Variants in CSMD2 observed in about 807,000 individuals in gnomAD.
CSMD2 encodes the protein CUB and Sushi multiple domains 2.
Under a neutral mutation model 398.5 loss-of-function variants are expected in CSMD2, and 130 were observed. The observed-to-expected ratio is 0.33, with a 90% confidence interval of 0.28 to 0.38. CSMD2 has a LOEUF of 0.38. Ranked by LOEUF, CSMD2 falls within the 10% of genes least tolerant of loss-of-function variation. The pLI is 1.00. For missense variants in CSMD2, 3,829 were observed against 4,764.9 expected, an observed-to-expected ratio of 0.80 and a Z score of 5.78; for synonymous variants, 1,828 against 1,908.5, an observed-to-expected ratio of 0.96 and a Z score of 1.10.
intron 25 of CSMD2, among the ~76,000 whole-genome samples, chr1:33,667,816 T>C (rs1049989478): frequency 1.3e-5 from 2 of 152,150 alleles, no homozygotes; most frequent in African/African-American, 4.8e-5. Flanking sequence ...GGACAGAGGC[T>C]AAAGTTCAAG....
At chr1:33,900,585 T>G (rs1642683675) in intron 5 of CSMD2, among the ~76,000 whole-genome samples, 1 of 152,214 alleles carries the variant, frequency 6.6e-6, no homozygotes, top group Non-Finnish European at 1.5e-5. Flanking sequence ...AAGACCAGCC[T>G]GGCCAACATG....
At chr1:33,661,413 A>G (rs1027946194) in intron 26 of CSMD2, among the ~76,000 whole-genome samples, 1 of 152,100 alleles carries the variant, frequency 6.6e-6, no homozygotes, top group South Asian at 2.1e-4. Context: ...CCTTGAAAAA[A>G]GTCATCCATG....
intron 41 of CSMD2, among the ~76,000 whole-genome samples, chr1:33,608,222 A>AGGCGG (rs1194217677): frequency 6.6e-6 from 1 of 152,106 alleles, no homozygotes; most frequent in African/African-American, 2.4e-5. Flanking sequence ...GGAGAATCTG[A>AGGCGG]GGCGGTCACA....
intron 15 of CSMD2, among the ~76,000 whole-genome samples, chr1:33,735,009 G>A (rs1383563904): frequency 6.6e-6 from 1 of 152,120 alleles, no homozygotes; most frequent in Non-Finnish European, 1.5e-5. Context: ...GTGATGTCCT[G>A]TCTTCTTTGT....
chr1:33,951,341 G>A (rs563516879), intron 3 of CSMD2, among the ~76,000 whole-genome samples: 4 of 152,300 alleles, frequency 2.6e-5, no homozygotes, highest in Admixed American at 2.0e-4. Flanking sequence ...CACCTTGGTG[G>A]TTTGCTGGGA....
intron 53 of CSMD2, among the ~76,000 whole-genome samples, chr1:33,561,973 T>C (rs1159209830): frequency 6.6e-6 from 1 of 152,022 alleles, no homozygotes; most frequent in East Asian, 1.9e-4. Flanking sequence ...TGTTGAGGAT[T>C]AAAACCCTTG....
chr1:34,062,054 G>A lies in CSMD2; in HGVS notation c.404+26923C>T, dbSNP rs1654574307. On this transcript the variant is annotated intron_variant, in intron 2 of 70. Transcript: ENST00000373381. ...GGATGGGCTAAGACCCCAATGTCAT[G>A]AGTGTGCTGGCTTCCCCTCTGATGG... 3.3e-5 allele frequency among the ~76,000 whole-genome samples: 5 copies of A among 152,358 alleles called. No homozygotes were observed. The South Asian group carries it at 1.0e-3, about 32-fold the overall frequency.
At chr1:34,156,220 C>T (rs1345201748) in intron 1 of CSMD2, among the ~76,000 whole-genome samples, 1 of 152,196 alleles carries the variant, frequency 6.6e-6, no homozygotes, top group Non-Finnish European at 1.5e-5. Context: ...ATCACCAAGT[C>T]CCACCCAATC....
At chr1:33,644,335 A>G (rs74671696) in intron 29 of CSMD2, among the ~76,000 whole-genome samples, 1 of 152,190 alleles carries the variant, frequency 6.6e-6, no homozygotes, top group Non-Finnish European at 1.5e-5. Context: ...GAGGAAGCTC[A>G]GGGGGTTTCT....
intron 32 of CSMD2, among the ~76,000 whole-genome samples, chr1:33,632,439 T>C (rs1642518915): frequency 6.6e-6 from 1 of 152,054 alleles, no homozygotes; most frequent in South Asian, 2.1e-4. Context: ...TAAGTGCTTG[T>C]AGAAAAATCG....
chr1:33,523,219 G>C, intron 67 of CSMD2, 88 bp downstream of exon 67: 2 of 655,902 alleles, frequency 3.0e-6, no homozygotes, highest in African/African-American at 3.7e-5. Flanking sequence ...TTGCCAGATT[G>C]ATCCTAGGGG....
chr1:33,786,214 C>T (rs538343735), intron 12 of CSMD2, among the ~76,000 whole-genome samples: 1 of 152,314 alleles, frequency 6.6e-6, no homozygotes, highest in East Asian at 1.9e-4. Flanking sequence ...TCATCCCTTT[C>T]AAGTTCACGC....
intron 25 of CSMD2, among the ~76,000 whole-genome samples, chr1:33,683,344 T>A (rs1644966757): frequency 6.6e-6 from 1 of 152,160 alleles, no homozygotes; most frequent in Admixed American, 6.5e-5. Context: ...TAGAAAAAAA[T>A]TTTGTATTTT....
chr1:34,101,003 T>C (rs1659883779), intron 1 of CSMD2, among the ~76,000 whole-genome samples: 1 of 152,140 alleles, frequency 6.6e-6, no homozygotes, highest in Admixed American at 6.5e-5. Flanking sequence ...CTGAAACCAA[T>C]GTATGTTAGT....
chr1:33,963,991 A>G (rs1034054473), intron 3 of CSMD2, among the ~76,000 whole-genome samples: 1 of 152,230 alleles, frequency 6.6e-6, no homozygotes. Flanking sequence ...CCAAGCTGCC[A>G]AGGTGTTTGT....
chr1:33,965,158 G>C (rs993526803), intron 3 of CSMD2, among the ~76,000 whole-genome samples: 1 of 152,158 alleles, frequency 6.6e-6, no homozygotes, highest in African/African-American at 2.4e-5. Context: ...CCAGGATGGG[G>C]TTAGAATTCT....
intron 53 of CSMD2, among the ~76,000 whole-genome samples, chr1:33,560,620 G>A (rs1396769001): frequency 6.6e-6 from 1 of 152,186 alleles, no homozygotes; most frequent in Admixed American, 6.5e-5. Context: ...CCATGTCAGT[G>A]AGGCCTTCCC....
chr1:33,592,321 C>T, intron 44 of CSMD2: 1 of 712,438 alleles, frequency 1.4e-6, no homozygotes, highest in South Asian at 1.5e-5. Context: ...GAGATGGGTC[C>T]AGGCAAAAGT....
intron 29 of CSMD2, among the ~76,000 whole-genome samples, chr1:33,641,106 C>T (rs1294830327): frequency 2.0e-5 from 3 of 152,162 alleles, no homozygotes; most frequent in African/African-American, 7.2e-5. Flanking sequence ...TAAATGGATC[C>T]TGCTCAGAGA....
Sources: gnomAD v4.1 joint callset for allele counts (sites outside exome capture counted in the v4.1 genomes callset) on GRCh38, gnomAD v4.1.1 for gene constraint, MANE v1.5 for transcripts, NCBI Gene and HGNC (gene_info 2026-07-23, HGNC 2026-07-21) for gene names.